The following SLC25A13 variants were observed in gnomAD, a reference collection of about 807,000 sequenced individuals.
The protein encoded by SLC25A13 is electrogenic aspartate/glutamate antiporter SLC25A13, mitochondrial.
A neutral mutation model predicts 85.5 loss-of-function variants in SLC25A13; 70 were observed. That is an observed-to-expected ratio of 0.82 (90% CI 0.68 to 1.00). The LOEUF is 1.00. SLC25A13 is among the 50% of genes least tolerant of loss of function. The probability of loss-of-function intolerance (pLI) is 0.00; values close to 1 mark genes in which losing one functional copy is unlikely to be tolerated. For synonymous variants in SLC25A13, 259 were observed against 288.7 expected, an observed-to-expected ratio of 0.90 and a Z score of 1.04; for missense variants, 765 against 819.8, an observed-to-expected ratio of 0.93 and a Z score of 0.82.
At chr7:96,294,417 C>CT (rs1349156558) in intron 2 of SLC25A13, among the ~76,000 whole-genome samples, 1 of 151,902 alleles carries the variant, frequency 6.6e-6, no homozygotes, top group Non-Finnish European at 1.5e-5. Context: ...TACCCTAGAA[C>CT]TTAAAGTATA....
intron 5 of SLC25A13, among the ~76,000 whole-genome samples, chr7:96,202,820 C>T (rs1056327483): frequency 2.6e-5 from 4 of 152,128 alleles, no homozygotes; most frequent in African/African-American, 9.7e-5. Context: ...CTTGTACTCC[C>T]TATTTCAATG....
intron 4 of SLC25A13, among the ~76,000 whole-genome samples, chr7:96,211,033 G>A (rs1017760151): frequency 6.6e-6 from 1 of 152,080 alleles, no homozygotes; most frequent in African/African-American, 2.4e-5. Flanking sequence ...TAGCTGGTAT[G>A]TAAAGCTAAG....
intron 5 of SLC25A13, among the ~76,000 whole-genome samples, chr7:96,195,657 C>A (rs905862351): frequency 1.3e-5 from 2 of 152,152 alleles, no homozygotes; most frequent in Admixed American, 1.3e-4. Context: ...CTAGTCTTAG[C>A]CTCATCTCCT....
At chr7:96,188,036 T>C (rs1794703260) in intron 9 of SLC25A13, among the ~76,000 whole-genome samples, 1 of 151,930 alleles carries the variant, frequency 6.6e-6, no homozygotes, top group Admixed American at 6.6e-5. Flanking sequence ...AAAGGAAAAA[T>C]TGTGGGAAGC....
chr7:96,155,960 G>A (rs556608970), intron 13 of SLC25A13, among the ~76,000 whole-genome samples: 4 of 152,290 alleles, frequency 2.6e-5, no homozygotes, highest in East Asian at 1.9e-4. Flanking sequence ...GAACCATTAC[G>A]CCTAGTTGTC....
At chr7:96,194,214 C>T (rs1303923631) in intron 5 of SLC25A13, among the ~76,000 whole-genome samples, 2 of 150,668 alleles carry the variant, frequency 1.3e-5, no homozygotes, top group East Asian at 3.9e-4. Context: ...GTGGATGGAT[C>T]CCTTGAGCCC....
chr7:96,276,670 T>C (rs888772825), intron 3 of SLC25A13, among the ~76,000 whole-genome samples: 1 of 151,938 alleles, frequency 6.6e-6, no homozygotes, highest in Non-Finnish European at 1.5e-5. Flanking sequence ...CAGAGAAGAC[T>C]GGTAGGGAAA....
intron 2 of SLC25A13, among the ~76,000 whole-genome samples, chr7:96,286,434 T>C (rs945589604): frequency 1.3e-4 from 20 of 152,096 alleles, no homozygotes; most frequent in Admixed American, 2.0e-4. Context: ...CTCTGACAGC[T>C]CTTTACTTTG....
chr7:96,282,656 A>C (rs1261015929), intron 2 of SLC25A13, among the ~76,000 whole-genome samples: 2 of 152,208 alleles, frequency 1.3e-5, no homozygotes, highest in Non-Finnish European at 2.9e-5. Flanking sequence ...CTCTATGCTA[A>C]ATTATTTAGG....
intron 3 of SLC25A13, among the ~76,000 whole-genome samples, chr7:96,235,913 C>G (rs1796724801): frequency 6.6e-6 from 1 of 152,026 alleles, no homozygotes; most frequent in Non-Finnish European, 1.5e-5. Flanking sequence ...AAAAGCTTTC[C>G]TAGATTTTAT....
At chr7:96,273,896 T>C (rs1245932981) in intron 3 of SLC25A13, among the ~76,000 whole-genome samples, 3 of 152,248 alleles carry the variant, frequency 2.0e-5, no homozygotes, top group Non-Finnish European at 4.4e-5. Context: ...AGAAAAATGC[T>C]TGCTGGCATA....
At chr7:96,211,070 T>C (rs1304375519) in intron 4 of SLC25A13, among the ~76,000 whole-genome samples, 5 of 152,218 alleles carry the variant, frequency 3.3e-5, no homozygotes. Flanking sequence ...TTTATATTTA[T>C]ATGGTCTAAA....
rs932315701 is a variant in SLC25A13, at chr7:96,184,393, G to C, written c.1061C>G (p.Thr354Ser). ...TAVYPIDLVK[T>S]RMQNQRSTGS... ...AGTTGATCGTTGGTTCTGCATTCGAGTTTTTACAAGATCGATAGGATACAC... is the reference window on the plus strand; with the variant it reads ...AGTTGATCGTTGGTTCTGCATTCGACTTTTTACAAGATCGATAGGATACAC... Residue 354 changes from threonine to serine, a missense_variant, in exon 11 of 18, where the codon ACT becomes AGT. Thr to Ser is a moderately conservative substitution (Grantham distance 58). Transcript: ENST00000265631. 12 of 1,614,022 alleles carry C rather than the reference G, an allele frequency of 7.4e-6. No individual in the cohort carries two copies. Among genetic ancestry groups the C allele is most frequent in the African/African-American group, 1.3e-5 (1 of 74,912 alleles).
intron 3 of SLC25A13, among the ~76,000 whole-genome samples, chr7:96,269,504 C>T (rs1276127927): frequency 2.0e-5 from 3 of 152,088 alleles, no homozygotes; most frequent in Non-Finnish European, 4.4e-5. Context: ...GGTTTTTTTC[C>T]GGATCAGGCT....
chr7:96,132,018 GA>G, intron 14 of SLC25A13, 137 bp from the exon 15 acceptor site: 11 of 1,116,550 alleles, frequency 9.9e-6, no homozygotes, highest in Non-Finnish European at 1.4e-5. Context: ...AAGGGGAACA[GA>G]AAAAAATAAC....
At chr7:96,318,430 G>A (rs1404779389) in intron 1 of SLC25A13, among the ~76,000 whole-genome samples, 2 of 152,020 alleles carry the variant, frequency 1.3e-5, no homozygotes, top group African/African-American at 2.4e-5. Context: ...TTCAAACAAC[G>A]CAAACAGTAC....
chr7:96,207,648 G>T (rs1169123885), intron 5 of SLC25A13, among the ~76,000 whole-genome samples: 3 of 152,148 alleles, frequency 2.0e-5, no homozygotes. Context: ...ATAGCCTATA[G>T]ATATTGACCT....
At chr7:96,138,552 T>A (rs1792390663) in intron 14 of SLC25A13, among the ~76,000 whole-genome samples, 1 of 151,988 alleles carries the variant, frequency 6.6e-6, no homozygotes, top group Non-Finnish European at 1.5e-5. Context: ...CATGACACCA[T>A]GTCTAGCTAA....
At chr7:96,240,869 G>C (rs578042020) in intron 3 of SLC25A13, among the ~76,000 whole-genome samples, 1 of 150,836 alleles carries the variant, frequency 6.6e-6, no homozygotes, top group African/African-American at 2.4e-5. Context: ...TTGTGCATCA[G>C]AACATTTAAT....
Sources: allele counts gnomAD v4.1 joint callset (sites outside exome capture counted in the v4.1 genomes callset), GRCh38; gene constraint gnomAD v4.1.1; transcripts MANE v1.5; gene names NCBI Gene and HGNC (gene_info 2026-07-23, HGNC 2026-07-21).